The following CSMD1 variants were observed in gnomAD, a reference collection of about 807,000 sequenced individuals.
CSMD1 encodes CUB and Sushi multiple domains 1.
Under a neutral mutation model 417.5 loss-of-function variants are expected in CSMD1, and 213 were observed. That is an observed-to-expected ratio of 0.51 (90% CI 0.46 to 0.57). CSMD1 has a LOEUF of 0.57. Among genes scored for constraint, CSMD1 ranks in the 20% least tolerant of loss-of-function variants. The pLI is 0.00. For missense variants in CSMD1, 6,923 were observed against 4,529.7 expected (o/e 1.53, Z -15.17); for synonymous variants, 2,862 against 1,736.8 (o/e 1.65, Z -16.11).
chr8:3,934,603 T>G (rs1169102253), intron 5 of CSMD1, among the ~76,000 whole-genome samples: 1 of 152,092 alleles, frequency 6.6e-6, no homozygotes, highest in Non-Finnish European at 1.5e-5. Flanking sequence ...GCCTGTAATC[T>G]CAGCACTTTG....
At chr8:3,889,482 TATATATATATAA>T (rs1256919658) in intron 5 of CSMD1, among the ~76,000 whole-genome samples, 1,223 of 115,574 alleles carry the variant, frequency 0.011, 66 homozygotes, top group African/African-American at 0.035. Flanking sequence ...TATATATATA[TATATATATATAA>T]AATATGCTCA....
intron 10 of CSMD1, among the ~76,000 whole-genome samples, chr8:3,573,387 C>A (rs963302588): frequency 2.0e-5 from 3 of 152,120 alleles, no homozygotes; most frequent in African/African-American, 7.2e-5. Context: ...GTTTGTACCA[C>A]TGTAGTTGAT....
At chr8:4,652,654 A>G (rs1397279113) in intron 1 of CSMD1, among the ~76,000 whole-genome samples, 1 of 151,924 alleles carries the variant, frequency 6.6e-6, no homozygotes, top group Non-Finnish European at 1.5e-5. Flanking sequence ...CTGTCTCAAA[A>G]TTTAAAAAAA....
chr8:3,069,384 A>G (rs1355318806), intron 49 of CSMD1, among the ~76,000 whole-genome samples: 2 of 151,976 alleles, frequency 1.3e-5, no homozygotes, highest in African/African-American at 4.8e-5. Context: ...GCAGTGAGCC[A>G]AGATCACACC....
At chr8:4,416,516 T>G (rs1796950762) in intron 3 of CSMD1, among the ~76,000 whole-genome samples, 1 of 152,150 alleles carries the variant, frequency 6.6e-6, no homozygotes, top group Non-Finnish European at 1.5e-5. Context: ...ATGAACATTT[T>G]GAGTCTAAGA....
intron 2 of CSMD1, among the ~76,000 whole-genome samples, chr8:4,628,703 A>C (rs1165636293): frequency 6.6e-6 from 1 of 152,112 alleles, no homozygotes; most frequent in Non-Finnish European, 1.5e-5. Context: ...CCTTGGTTAA[A>C]ATTACACTGA....
chr8:4,121,070 T>G (rs924551361), intron 3 of CSMD1, among the ~76,000 whole-genome samples: 1 of 152,020 alleles, frequency 6.6e-6, no homozygotes, highest in African/African-American at 2.4e-5. Flanking sequence ...TGACTGGGTC[T>G]GTTTGTCAAG....
intron 2 of CSMD1, among the ~76,000 whole-genome samples, chr8:4,535,057 G>A (rs1480767770): frequency 1.3e-5 from 2 of 152,138 alleles, no homozygotes; most frequent in African/African-American, 2.4e-5. Flanking sequence ...CACCACGCCT[G>A]GCCAATTTAT....
chr8:4,732,344 CGT>C (rs750818272), intron 1 of CSMD1, among the ~76,000 whole-genome samples: 24 of 141,138 alleles, frequency 1.7e-4, no homozygotes, highest in Non-Finnish European at 3.1e-4. Context: ...ATTTCTTCTG[CGT>C]GTGTGTGTGT....
At chr8:4,468,246 C>T (rs1328476637) in intron 2 of CSMD1, among the ~76,000 whole-genome samples, 5 of 152,192 alleles carry the variant, frequency 3.3e-5, no homozygotes, top group African/African-American at 1.2e-4. Flanking sequence ...GGAGAGCTGG[C>T]TGACTTCTGA....
chr8:3,310,694 T>A (rs528751509), intron 23 of CSMD1, among the ~76,000 whole-genome samples: 2 of 152,228 alleles, frequency 1.3e-5, no homozygotes, highest in African/African-American at 4.8e-5. Context: ...AAAAATCTTT[T>A]TGAGGGGTGA....
intron 3 of CSMD1, among the ~76,000 whole-genome samples, chr8:4,053,488 A>C (rs973384767): frequency 6.6e-6 from 1 of 151,968 alleles, no homozygotes; most frequent in African/African-American, 2.4e-5. Context: ...AACGCAATAT[A>C]TTCTTAAAAC....
intron 3 of CSMD1, among the ~76,000 whole-genome samples, chr8:4,131,142 T>C (rs1803077293): frequency 6.6e-6 from 1 of 152,164 alleles, no homozygotes; most frequent in Non-Finnish European, 1.5e-5. Flanking sequence ...GTTATAATCA[T>C]AATGTAGATT....
intron 1 of CSMD1, among the ~76,000 whole-genome samples, chr8:4,638,933 G>A (rs1236364700): frequency 6.6e-6 from 1 of 152,118 alleles, no homozygotes; most frequent in East Asian, 1.9e-4. Context: ...CAGACTGCTG[G>A]AGTAGTTTGA....
intron 5 of CSMD1, among the ~76,000 whole-genome samples, chr8:3,813,458 T>G (rs1395438258): frequency 6.6e-6 from 1 of 152,142 alleles, no homozygotes; most frequent in Non-Finnish European, 1.5e-5. Flanking sequence ...AGCATGGTAT[T>G]TAGTAATGTC....
At chr8:3,411,783 T>TGTATATATACAC (rs1205222768) in intron 12 of CSMD1, among the ~76,000 whole-genome samples, 4 of 119,880 alleles carry the variant, frequency 3.3e-5, no homozygotes, top group African/African-American at 6.6e-5. Flanking sequence ...TGTATATACC[T>TGTATATATACAC]GTATATATAC....
Position 2,978,804 on chromosome 8 carries a change from G to A in CSMD1, c.8378-4C>T. On this transcript the variant is annotated splice_polypyrimidine_tract_variant and splice_region_variant and intron_variant, in intron 54 of 69. Coordinates refer to ENST00000635120, the MANE Select transcript of CSMD1 (RefSeq NM_033225.6). Reference sequence around the variant, plus strand: ...CCTGGATCAGAACAGTTCACCACTAGAAAATAAAACATTTCACACACCATT... The same window carrying A: ...CCTGGATCAGAACAGTTCACCACTAAAAAATAAAACATTTCACACACCATT... 6.3e-7 allele frequency: 1 copy of A among 1,591,564 alleles called. No individual in the cohort carries two copies. The highest frequency in any genetic ancestry group is 1.2e-5 in the South Asian group (1 of 86,572).
At chr8:4,558,932 T>A (rs75028978) in intron 2 of CSMD1, among the ~76,000 whole-genome samples, 2 of 1,150 alleles carry the variant, frequency 1.7e-3, no homozygotes, top group Non-Finnish European at 0.014. Context: ...ACTGATCATG[T>A]TTTTTTTTCT....
chr8:3,044,214 A>C (rs73657538), intron 50 of CSMD1, among the ~76,000 whole-genome samples: 2,348 of 152,340 alleles, frequency 0.015, 61 homozygotes, highest in African/African-American at 0.052. Context: ...ACTGTCCTTC[A>C]TATGTGAAGC....
Sources: gnomAD v4.1 joint callset for allele counts (sites outside exome capture counted in the v4.1 genomes callset) on GRCh38, gnomAD v4.1.1 for gene constraint, MANE v1.5 for transcripts, NCBI Gene and HGNC (gene_info 2026-07-23, HGNC 2026-07-21) for gene names.